Variants in TUBD1 observed in about 807,000 individuals in gnomAD.
TUBD1 encodes the protein tubulin delta chain.
TUBD1 carries 38 observed loss-of-function variants against 51.2 expected under a neutral mutation model. The ratio of observed to expected loss-of-function variants is 0.74; its 90% confidence interval spans 0.57 to 0.97. TUBD1 has a LOEUF of 0.97. Ranked by LOEUF, TUBD1 falls within the 50% of genes least tolerant of loss-of-function variation. The pLI is 0.00. For synonymous variants in TUBD1, 169 were observed against 178.2 expected (o/e 0.95, Z 0.41); for missense variants, 489 against 538.4 (o/e 0.91, Z 0.91).
At chr17:59,889,459 G>A (rs2040886853) in intron 2 of TUBD1, among the ~76,000 whole-genome samples, 1 of 151,078 alleles carries the variant, frequency 6.6e-6, no homozygotes. Flanking sequence ...TTGAGGTCAG[G>A]AGTTCGAGAC....
At chr17:59,883,790 C>T (rs891642480) in intron 3 of TUBD1, among the ~76,000 whole-genome samples, 2 of 152,084 alleles carry the variant, frequency 1.3e-5, no homozygotes, top group Non-Finnish European at 2.9e-5. Context: ...TGGGCTCAAG[C>T]GATCCTCCTG....
chr17:59,863,777 G>T lies in TUBD1; in HGVS notation c.1146C>A (p.Thr382=). 6.2e-7 allele frequency: 1 copy of T among 1,610,746 alleles called. No individual in the cohort carries two copies. Among genetic ancestry groups the T allele is most frequent in the Non-Finnish European group, 8.5e-7 (1 of 1,178,958 alleles). The change falls in exon 8 of 9, where the codon ACC becomes ACA. Residue 382 remains threonine (T), a synonymous_variant. Coordinates refer to ENST00000325752, the MANE Select transcript of TUBD1 (RefSeq NM_016261.4). ...TCTCATATTTGCTAAAGGCCCGCTGGGTTTTCCACACGTTGAAAGCATTAA... is the reference window on the plus strand; with the variant it reads ...TCTCATATTTGCTAAAGGCCCGCTGTGTTTTCCACACGTTGAAAGCATTAA... The part of the protein sequence containing the change: ...KPVNAFNVWK[T]QRAFSKYEKS...
intron 5 of TUBD1, among the ~76,000 whole-genome samples, chr17:59,876,495 C>CTT (rs2040232482): frequency 1.3e-5 from 2 of 151,924 alleles, no homozygotes; most frequent in African/African-American, 2.4e-5. Flanking sequence ...GCTGGGATTA[C>CTT]AGGCATGTGC....
At chr17:59,877,206 C>T (rs1204849041) in intron 5 of TUBD1, among the ~76,000 whole-genome samples, 1 of 152,186 alleles carries the variant, frequency 6.6e-6, no homozygotes. Flanking sequence ...CATGGAGCAC[C>T]TGCCTTTCAA....
In TUBD1 at chr17:59,878,482, C is replaced by T. The variant is rs373695759; in HGVS notation, c.538-148G>A. 1.5e-4 allele frequency: 88 copies of T among 569,498 alleles called. 1 individual carries two copies. The highest frequency in any genetic ancestry group is 1.5e-3 in the African/African-American group (78 of 51,590). 35.3% of individuals were successfully genotyped at this position (569,498 alleles called of 1,614,324 possible). On this transcript the variant is annotated intron_variant, in intron 4 of 8. Transcript: ENST00000325752. Reference sequence around the variant, plus strand: ...GGACAAGTTTTTTAATCTCTATGCTCAGTTTCCTTTTTTTTTTTTTTTTTG... The same window carrying T: ...GGACAAGTTTTTTAATCTCTATGCTTAGTTTCCTTTTTTTTTTTTTTTTTG...
At chr17:59,892,193 TTG>T (rs1367277931) in intron 1 of TUBD1, among the ~76,000 whole-genome samples, 4 of 152,158 alleles carry the variant, frequency 2.6e-5, no homozygotes, top group African/African-American at 4.8e-5. Flanking sequence ...AAGAAAGATT[TTG>T]TGTTTAGCTC....
At chr17:59,890,669 C>T (rs1568336149) in intron 2 of TUBD1, among the ~76,000 whole-genome samples, 162 bp downstream of exon 2, 1 of 152,080 alleles carries the variant, frequency 6.6e-6, no homozygotes, top group Non-Finnish European at 1.5e-5. Flanking sequence ...AGGGAAAATG[C>T]CACTGGAAAA....
At chr17:59,874,227 T>C (rs2040127101) in intron 6 of TUBD1, among the ~76,000 whole-genome samples, 1 of 150,896 alleles carries the variant, frequency 6.6e-6, no homozygotes, top group Admixed American at 6.6e-5. Context: ...ATAATTTAAA[T>C]ACAGTGCAAT....
intron 2 of TUBD1, among the ~76,000 whole-genome samples, chr17:59,889,138 C>T (rs1210316604): frequency 2.0e-5 from 3 of 150,630 alleles, no homozygotes; most frequent in South Asian, 2.1e-4. Context: ...CTCACCCTCC[C>T]GAATAACTGG....
At chr17:59,876,348 G>GT (rs1279697643) in intron 5 of TUBD1, among the ~76,000 whole-genome samples, 134 of 137,112 alleles carry the variant, frequency 9.8e-4, no homozygotes, top group Middle Eastern at 7.8e-3. Flanking sequence ...CTAACTGTTT[G>GT]TTTTTTTTTT....
At chr17:59,891,072 C>G (rs763565032) in intron 1 of TUBD1, 31 bp from the exon 2 acceptor site, 2 of 1,131,320 alleles carry the variant, frequency 1.8e-6, no homozygotes, top group Admixed American at 4.5e-5. Flanking sequence ...CTTTGAGAAC[C>G]ACTACATTAC....
chr17:59,873,486 A>G (rs2040090991), intron 6 of TUBD1, among the ~76,000 whole-genome samples: 1 of 152,124 alleles, frequency 6.6e-6, no homozygotes, highest in Admixed American at 6.6e-5. Context: ...CCTGGGCTCA[A>G]GCGCTTCTCC....
At chr17:59,865,078 G>A (rs548542496) in intron 7 of TUBD1, among the ~76,000 whole-genome samples, 32 of 151,112 alleles carry the variant, frequency 2.1e-4, no homozygotes, top group African/African-American at 5.6e-4. Context: ...GGCTGGTTTC[G>A]AACTCCTAGC....
intron 6 of TUBD1, among the ~76,000 whole-genome samples, chr17:59,873,471 G>C (rs1488936630): frequency 6.6e-6 from 1 of 152,186 alleles, no homozygotes; most frequent in East Asian, 1.9e-4. Flanking sequence ...GACTGGTCTC[G>C]AACTCCTGGG....
chr17:59,885,999 T>C (rs1007885068), intron 3 of TUBD1, 84 bp downstream of exon 3: 2 of 1,414,198 alleles, frequency 1.4e-6, no homozygotes, highest in Admixed American at 2.1e-5. Flanking sequence ...GCTTGGTATA[T>C]CAACTATACA....
chr17:59,890,981 G>C lies in TUBD1; in HGVS notation c.22C>G (p.Leu8Val). 5 of 1,612,572 alleles carry C rather than the reference G, an allele frequency of 3.1e-6. No homozygotes were observed. The highest frequency in any genetic ancestry group is 3.4e-6 in the Non-Finnish European group (4 of 1,179,688). ...CCAATCTGATTGCCACACTGACCAA[G>C]TTGCACTGTTACAATTGACATGCTG... MSIVTVQLGQCGNQIGFE... is the reference protein window; with the variant it reads MSIVTVQVGQCGNQIGFE... Residue 8 changes from leucine (L) to valine (V), a missense_variant, in exon 2 of 9, where the codon CTT becomes GTT. Leu to Val is a conservative substitution (Grantham distance 32). Transcript: ENST00000325752.
chr17:59,875,552 G>T (rs2040187699), intron 5 of TUBD1, among the ~76,000 whole-genome samples: 1 of 151,624 alleles, frequency 6.6e-6, no homozygotes, highest in East Asian at 2.0e-4. Flanking sequence ...TTTAAGACCA[G>T]CCTGGCCAAC....
chr17:59,864,430 G>A (rs2144427776), intron 7 of TUBD1, among the ~76,000 whole-genome samples: 1 of 152,270 alleles, frequency 6.6e-6, no homozygotes, highest in South Asian at 2.1e-4. Context: ...ATAGGCATGA[G>A]CCACTGCACT....
chr17:59,874,465 C>T (rs1161053687), intron 6 of TUBD1, 74 bp downstream of exon 6: 2 of 1,472,684 alleles, frequency 1.4e-6, no homozygotes, highest in African/African-American at 2.8e-5. Context: ...CTGGTCCAAG[C>T]CAGTTTATAT....
Sources: gnomAD v4.1 joint callset for allele counts (sites outside exome capture counted in the v4.1 genomes callset) on GRCh38, gnomAD v4.1.1 for gene constraint, MANE v1.5 for transcripts, NCBI Gene and HGNC (gene_info 2026-07-23, HGNC 2026-07-21) for gene names.